Variants in RIMKLB observed in about 807,000 individuals in gnomAD.
The protein encoded by RIMKLB is ribosomal modification protein rimK like family member B, also known as beta-citrylglutamate synthase B.
A neutral mutation model predicts 32.0 loss-of-function variants in RIMKLB; 7 were observed. That is an observed-to-expected ratio of 0.22 (90% confidence interval 0.12 to 0.41). RIMKLB has a LOEUF of 0.41. Among genes scored for constraint, RIMKLB ranks in the 10% least tolerant of loss-of-function variants. The pLI is 1.00. For missense variants in RIMKLB, 289 were observed against 498.7 expected (o/e 0.58, Z 4.00); for synonymous variants, 172 against 185.1 (o/e 0.93, Z 0.57).
chr12:8,725,469 G>T (rs1007378265), intron 2 of RIMKLB, among the ~76,000 whole-genome samples: 1 of 152,118 alleles, frequency 6.6e-6, no homozygotes, highest in Non-Finnish European at 1.5e-5. Context: ...GTAGAGATGA[G>T]ATTTTGCCAT....
In RIMKLB at chr12:8,777,003, T is replaced by C; in HGVS notation, c.*3219T>C. The C allele has an allele frequency of 1.0e-6, 1 of 985,858 alleles. No homozygotes were observed. Among genetic ancestry groups the C allele is most frequent in the South Asian group, 4.7e-5 (1 of 21,284 alleles). The allele number at this position is 985,858 out of a possible 1,614,324, so 61.1% of individuals were successfully genotyped here. On this transcript the variant is annotated 3_prime_UTR_variant, in exon 6 of 6. Transcript: ENST00000535829. ...GTTATACTTTTCTCCTGGCTCACTT[T>C]TTTTGAGAAGGTTTATGGGCTATTT...
intron 1 of RIMKLB, among the ~76,000 whole-genome samples, chr12:8,687,974 G>C (rs1273232979): frequency 6.6e-6 from 1 of 152,156 alleles, no homozygotes; most frequent in Non-Finnish European, 1.5e-5. Flanking sequence ...GGCAGCATGA[G>C]GGGAGGAGGT....
chr12:8,780,123 T>TA (rs1950945450), downstream of RIMKLB: 1 of 152,234 alleles, frequency 6.6e-6, no homozygotes, highest in African/African-American at 2.4e-5. Flanking sequence ...GTAAAGCACC[T>TA]AACACCCTTA....
At chr12:8,752,648 CTA>C (rs1472559383) in intron 4 of RIMKLB, among the ~76,000 whole-genome samples, 1 of 152,202 alleles carries the variant, frequency 6.6e-6, no homozygotes, top group Non-Finnish European at 1.5e-5. Flanking sequence ...TAAGGTAAAA[CTA>C]TAACACTTTA....
chr12:8,689,942 A>G (rs1008350484), intron 1 of RIMKLB, among the ~76,000 whole-genome samples: 2 of 151,000 alleles, frequency 1.3e-5, no homozygotes, highest in Admixed American at 1.3e-4. Flanking sequence ...CCCCATCCCC[A>G]TTTCTCTAGT....
chr12:8,673,892 C>T, the RIMKLB span, among the ~76,000 whole-genome samples: 28 of 152,014 alleles, frequency 1.8e-4, no homozygotes, highest in African/African-American at 6.1e-4. Flanking sequence ...CCACCGCACC[C>T]GGCCTCACTT....
At chr12:8,748,178 T>C (rs897169638) in intron 2 of RIMKLB, among the ~76,000 whole-genome samples, 27 of 152,226 alleles carry the variant, frequency 1.8e-4, no homozygotes, top group African/African-American at 6.5e-4. Context: ...TTCTGTATTT[T>C]TGTGTTTGAA....
At chr12:8,762,806 C>A (rs756740304) in intron 5 of RIMKLB, among the ~76,000 whole-genome samples, 3 of 152,130 alleles carry the variant, frequency 2.0e-5, no homozygotes, top group Non-Finnish European at 4.4e-5. Context: ...CCCTGCTTTT[C>A]GAAGTCCTTT....
At chr12:8,766,186 A>G (rs756367270) in intron 5 of RIMKLB, among the ~76,000 whole-genome samples, 60 of 152,184 alleles carry the variant, frequency 3.9e-4, no homozygotes, top group East Asian at 3.9e-3. Context: ...AGCGTCCTCT[A>G]TGGTCTTAAT....
chr12:8,778,258 A>AG (rs1950849479), downstream of RIMKLB, among the ~76,000 whole-genome samples: 1 of 152,182 alleles, frequency 6.6e-6, no homozygotes, highest in African/African-American at 2.4e-5. Flanking sequence ...ATTAGGCTCT[A>AG]GGTTATATAT....
At chr12:8,780,126 C>T (rs761664379), downstream of RIMKLB, 6 of 152,242 alleles carry the variant, frequency 3.9e-5, no homozygotes, top group Non-Finnish European at 7.3e-5. Context: ...AAGCACCTAA[C>T]ACCCTTAGTT....
chr12:8,682,803 T>TAAAAAAA (rs34405359), intron 1 of RIMKLB, among the ~76,000 whole-genome samples: 3 of 132,418 alleles, frequency 2.3e-5, no homozygotes, highest in Non-Finnish European at 3.1e-5. Flanking sequence ...ATAAATAAAT[T>TAAAAAAA]AAAAAAAAAA....
chr12:8,757,522 G>T (rs1949153193), intron 5 of RIMKLB, among the ~76,000 whole-genome samples: 2 of 150,450 alleles, frequency 1.3e-5, no homozygotes, highest in Admixed American at 6.6e-5. Flanking sequence ...TTACAAAAAG[G>T]TATAAAGGAT....
intron 2 of RIMKLB, among the ~76,000 whole-genome samples, chr12:8,714,516 T>A (rs1268590228): frequency 6.6e-6 from 1 of 152,212 alleles, no homozygotes; most frequent in Non-Finnish European, 1.5e-5. Context: ...ATTAATAAAT[T>A]AGATCCATGT....
In RIMKLB at chr12:8,773,969, A is replaced by G; in HGVS notation, c.*185A>G. 1 of 1,400,504 alleles carries G rather than the reference A, an allele frequency of 7.1e-7. No homozygotes were observed. The highest frequency in any genetic ancestry group is 9.2e-7 in the Non-Finnish European group (1 of 1,081,608). 86.8% of individuals were successfully genotyped at this position (1,400,504 alleles called of 1,614,324 possible). ...TAGTAAGATGTTACTTTCATTTACA[A>G]ATCCTACAAATAGAGAGGCAGAATA... On this transcript the variant is annotated 3_prime_UTR_variant, in exon 6 of 6. Coordinates refer to ENST00000535829, the MANE Select transcript of RIMKLB (RefSeq NM_001297776.2).
intron 1 of RIMKLB, among the ~76,000 whole-genome samples, chr12:8,702,788 T>C (rs1018169537): frequency 6.6e-6 from 1 of 152,208 alleles, no homozygotes; most frequent in African/African-American, 2.4e-5. Flanking sequence ...TGTAAAGCCT[T>C]GGGCTTGAGA....
intron 1 of RIMKLB, among the ~76,000 whole-genome samples, chr12:8,684,028 T>C (rs765904918): frequency 6.6e-6 from 1 of 152,190 alleles, no homozygotes; most frequent in South Asian, 2.1e-4. Context: ...GATTATAGGC[T>C]TGAGCCACTG....
the RIMKLB span, among the ~76,000 whole-genome samples, chr12:8,672,583 C>G: frequency 5.3e-5 from 8 of 151,586 alleles, no homozygotes; most frequent in African/African-American, 1.9e-4. Context: ...ATCACTACCA[C>G]GAGAATAGCA....
At chr12:8,729,073 G>A (rs955986774) in intron 2 of RIMKLB, among the ~76,000 whole-genome samples, 4 of 152,086 alleles carry the variant, frequency 2.6e-5, no homozygotes, top group South Asian at 2.1e-4. Flanking sequence ...TACTGGCGCC[G>A]CCACAGTGTG....
Sources: gnomAD v4.1 joint callset for allele counts (sites outside exome capture counted in the v4.1 genomes callset) on GRCh38, gnomAD v4.1.1 for gene constraint, MANE v1.5 for transcripts, NCBI Gene and HGNC (gene_info 2026-07-23, HGNC 2026-07-21) for gene names.